Variants in MAGI2 observed in about 807,000 individuals in gnomAD.
The protein encoded by MAGI2 is membrane-associated guanylate kinase, WW and PDZ domain-containing protein 2.
In MAGI2, 35 loss-of-function variants were observed where a neutral mutation model predicts 133.3. That is an observed-to-expected ratio of 0.26 (90% CI 0.20 to 0.35). The LOEUF (loss-of-function observed/expected upper bound fraction) is 0.35, where lower values mean the gene tolerates loss of function less well. MAGI2 is among the 10% of genes least tolerant of loss of function. The pLI, the probability that MAGI2 is intolerant of heterozygous loss-of-function variation, is 1.00. For missense variants in MAGI2, 1,636 were observed against 1,863.4 expected, an observed-to-expected ratio of 0.88 and a Z score of 2.25; for synonymous variants, 729 against 710.6, an observed-to-expected ratio of 1.03 and a Z score of -0.41.
chr7:78,318,089 C>T (rs798295), intron 9 of MAGI2, among the ~76,000 whole-genome samples: 41,917 of 151,998 alleles, frequency 0.28, 6,054 homozygotes, highest in African/African-American at 0.34. Context: ...CAACTCCTCA[C>T]CAGCAAGGGA....
chr7:79,007,115 G>T lies in MAGI2; in HGVS notation c.393C>A (p.Asp131Glu). 7 of 1,612,954 alleles carry T rather than the reference G, an allele frequency of 4.3e-6. No homozygotes were observed. Among genetic ancestry groups the T allele is most frequent in the Non-Finnish European group, 3.4e-6 (4 of 1,179,450 alleles). ...ATGGCACCGTGCGGAGGTAGAGGTT[G>T]TCACGAATGATTTGCTGAAGCTCAT... The part of the protein sequence containing the change: ...VDHELQQIIR[D>E]NLYLRTVPCT... The change falls in exon 2 of 22, where the codon GAC becomes GAA. Residue 131 changes from aspartate (D) to glutamate (E), a missense_variant. This residue lies in a region of MAGI2 where 148 missense variants were observed against 239.0 expected (regional missense o/e 0.62). Transcript: ENST00000354212.
rs117660856 is a variant in MAGI2 at position 78,749,198 on chromosome 7, T to C, written c.419-121959A>G. On this transcript the variant is annotated intron_variant, in intron 2 of 21. Transcript: ENST00000354212. ...GAGTGGGGGAGTTTTTCAGCTGAGA[T>C]AGCACTGAAGCTAAGCCTTGGCAAA... Among the ~76,000 whole-genome samples the C allele has an allele frequency of 8.7e-4, 133 of 152,252 alleles. No individual in the cohort carries two copies. In the East Asian group the frequency reaches 0.011, roughly 13 times the overall value.
intron 1 of MAGI2, among the ~76,000 whole-genome samples, chr7:79,393,287 A>C (rs371486433): frequency 1.9e-3 from 293 of 152,320 alleles, no homozygotes; most frequent in African/African-American, 6.7e-3. Context: ...GCATAAGTAA[A>C]ATGGTAATTA....
intron 1 of MAGI2, among the ~76,000 whole-genome samples, chr7:79,409,432 A>G (rs1275112386): frequency 6.6e-6 from 1 of 151,612 alleles, no homozygotes; most frequent in Admixed American, 6.6e-5. Flanking sequence ...CCTGGCTTAA[A>G]ATACCTTTTT....
At chr7:79,170,467 C>G (rs563239526) in intron 1 of MAGI2, among the ~76,000 whole-genome samples, 1 of 151,818 alleles carries the variant, frequency 6.6e-6, no homozygotes, top group Non-Finnish European at 1.5e-5. Flanking sequence ...TGTGCCACTG[C>G]GCCCAGCCAA....
chr7:78,417,887 T>A (rs773305545), intron 6 of MAGI2, among the ~76,000 whole-genome samples: 3 of 152,212 alleles, frequency 2.0e-5, no homozygotes, highest in Non-Finnish European at 4.4e-5. Flanking sequence ...GTGTCCCCAT[T>A]GATGGCAAGT....
intron 14 of MAGI2, among the ~76,000 whole-genome samples, chr7:78,176,950 C>CACACACACAT (rs988630917): frequency 1.6e-4 from 23 of 147,234 alleles, no homozygotes; most frequent in African/African-American, 5.3e-4. Context: ...CACACACACA[C>CACACACACAT]ATATATAGTA....
chr7:78,927,102 A>G (rs939246391), intron 2 of MAGI2, among the ~76,000 whole-genome samples: 1 of 152,052 alleles, frequency 6.6e-6, no homozygotes, highest in Admixed American at 6.6e-5. Flanking sequence ...ATCTACAACA[A>G]TACTTTTCAT....
chr7:78,095,277 A>C (rs1441500070), intron 20 of MAGI2, among the ~76,000 whole-genome samples: 1 of 152,124 alleles, frequency 6.6e-6, no homozygotes, highest in Non-Finnish European at 1.5e-5. Flanking sequence ...ACCTCTCCAT[A>C]TTGGGAGATA....
At chr7:79,437,213 G>C (rs781074827) in intron 1 of MAGI2, among the ~76,000 whole-genome samples, 1 of 152,052 alleles carries the variant, frequency 6.6e-6, no homozygotes, top group Non-Finnish European at 1.5e-5. Context: ...TGGGAGAGGG[G>C]ACAAGGGTTG....
At chr7:79,046,684 T>C (rs1384144334) in intron 1 of MAGI2, among the ~76,000 whole-genome samples, 1 of 152,226 alleles carries the variant, frequency 6.6e-6, no homozygotes, top group Non-Finnish European at 1.5e-5. Flanking sequence ...AGAATCCTCC[T>C]CTGCCCAACT....
At chr7:78,975,560 T>C (rs939081379) in intron 2 of MAGI2, among the ~76,000 whole-genome samples, 5 of 151,752 alleles carry the variant, frequency 3.3e-5, no homozygotes, top group African/African-American at 1.2e-4. Context: ...AACAAATGCA[T>C]ATATTTGAAA....
chr7:79,028,404 G>C (rs1810238905), intron 1 of MAGI2, among the ~76,000 whole-genome samples: 1 of 148,348 alleles, frequency 6.7e-6, no homozygotes, highest in Admixed American at 6.8e-5. Flanking sequence ...CACATATGAT[G>C]CATAATTTCA....
intron 2 of MAGI2, among the ~76,000 whole-genome samples, chr7:78,999,644 C>G (rs1265496650): frequency 1.3e-5 from 2 of 152,092 alleles, no homozygotes; most frequent in East Asian, 3.9e-4. Context: ...ATAACTATGC[C>G]AAGGGCATAC....
intron 2 of MAGI2, among the ~76,000 whole-genome samples, chr7:78,794,673 T>C (rs1234901690): frequency 6.6e-6 from 1 of 152,118 alleles, no homozygotes; most frequent in Non-Finnish European, 1.5e-5. Flanking sequence ...TTTGATTTTA[T>C]ACACTTGAAA....
At chr7:78,633,434 G>A (rs1270769128) in intron 2 of MAGI2, among the ~76,000 whole-genome samples, 1 of 151,994 alleles carries the variant, frequency 6.6e-6, no homozygotes, top group African/African-American at 2.4e-5. Context: ...GGCTGGGGGC[G>A]GTGGTTCATG....
chr7:78,996,070 G>A (rs1806278596), intron 2 of MAGI2, among the ~76,000 whole-genome samples: 1 of 152,112 alleles, frequency 6.6e-6, no homozygotes, highest in Non-Finnish European at 1.5e-5. Context: ...TTTAGTTGAT[G>A]TTCAGGGAGT....
intron 2 of MAGI2, among the ~76,000 whole-genome samples, chr7:78,885,526 C>T (rs1796194792): frequency 6.6e-6 from 1 of 151,786 alleles, no homozygotes; most frequent in Admixed American, 6.6e-5. Context: ...TTAAGTGGAA[C>T]AATCAAAGGA....
intron 2 of MAGI2, among the ~76,000 whole-genome samples, chr7:78,813,732 G>A (rs1789283927): frequency 6.9e-6 from 1 of 144,660 alleles, no homozygotes; most frequent in African/African-American, 2.6e-5. Flanking sequence ...CTTGCAGTGA[G>A]CTGAGATCGC....
Sources: allele counts gnomAD v4.1 joint callset (sites outside exome capture counted in the v4.1 genomes callset), GRCh38; gene constraint gnomAD v4.1.1; regional missense constraint gnomAD v4.1.1; transcripts MANE v1.5; gene names NCBI Gene and HGNC (gene_info 2026-07-23, HGNC 2026-07-21).